Variants in SLC10A6 observed in about 807,000 individuals in gnomAD.
The protein encoded by SLC10A6 is sodium-dependent organic anion transporter.
Under a neutral mutation model 30.0 loss-of-function variants are expected in SLC10A6, and 27 were observed. That is an observed-to-expected ratio of 0.90 (90% CI 0.66 to 1.24). SLC10A6 has a LOEUF of 1.24. SLC10A6 is among the 50% of genes most tolerant of loss of function. SLC10A6 has a pLI of 0.00. For synonymous variants in SLC10A6, 166 were observed against 173.8 expected (o/e 0.95, Z 0.36); for missense variants, 439 against 457.0 (o/e 0.96, Z 0.36).
At chr4:86,835,231 C>T (rs1401578888) in intron 1 of SLC10A6, among the ~76,000 whole-genome samples, 1 of 152,186 alleles carries the variant, frequency 6.6e-6, no homozygotes, top group Non-Finnish European at 1.5e-5. Flanking sequence ...GCAGTGACCC[C>T]CACAGTCGCT....
At chr4:86,837,404 T>A (rs898239049) in intron 1 of SLC10A6, among the ~76,000 whole-genome samples, 2 of 151,876 alleles carry the variant, frequency 1.3e-5, no homozygotes, top group Non-Finnish European at 2.9e-5. Context: ...TTGTACACCA[T>A]AAATATACAT....
Position 86,828,136 on chromosome 4 carries a change from C to CA in SLC10A6, c.617dup (p.Val207GlyfsTer75). 1 of 1,613,350 alleles carries CA rather than the reference C, an allele frequency of 6.2e-7. No homozygotes were observed. Among genetic ancestry groups the CA allele is most frequent in the Non-Finnish European group, 8.5e-7 (1 of 1,179,666 alleles). On this transcript the variant is annotated frameshift_variant, in exon 4 of 6. Transcript: ENST00000273905. LOFTEE classifies it high-confidence loss of function. ...GGACCACACCAGCAACTGCGACCACCAGAAGGAGGACCCCACCAACAACGG... is the reference window on the plus strand; with the variant it reads ...GGACCACACCAGCAACTGCGACCACCAAGAAGGAGGACCCCACCAACAACGG...
intron 1 of SLC10A6, among the ~76,000 whole-genome samples, chr4:86,835,400 C>T (rs1041670139): frequency 2.0e-5 from 3 of 152,220 alleles, no homozygotes; most frequent in Non-Finnish European, 4.4e-5. Flanking sequence ...AGCATGGTGG[C>T]TCATGCCTGT....
At chr4:86,834,612 T>G (rs1746148204) in intron 1 of SLC10A6, among the ~76,000 whole-genome samples, 1 of 152,182 alleles carries the variant, frequency 6.6e-6, no homozygotes, top group African/African-American at 2.4e-5. Context: ...TATTGAAAAT[T>G]TTTGCATGTA....
intron 4 of SLC10A6, among the ~76,000 whole-genome samples, chr4:86,827,339 A>G (rs1229388542): frequency 1.3e-5 from 2 of 152,212 alleles, no homozygotes; most frequent in African/African-American, 2.4e-5. Context: ...GGGTCTGCTC[A>G]TCAGTAGAAT....
intron 2 of SLC10A6, among the ~76,000 whole-genome samples, chr4:86,832,852 C>T (rs945062776): frequency 4.6e-5 from 7 of 151,992 alleles, no homozygotes; most frequent in African/African-American, 1.2e-4. Flanking sequence ...AGTCAAGGTT[C>T]GCAGGCAATG....
intron 3 of SLC10A6, among the ~76,000 whole-genome samples, chr4:86,830,026 T>C (rs1407763522): frequency 6.6e-6 from 1 of 152,170 alleles, no homozygotes; most frequent in African/African-American, 2.4e-5. Flanking sequence ...CCATGATCAT[T>C]TCCCTCCTCT....
chr4:86,837,545 T>C (rs1384108048), intron 1 of SLC10A6: 2 of 957,830 alleles, frequency 2.1e-6, no homozygotes, highest in Non-Finnish European at 2.5e-6. Context: ...TCAGGGAGGA[T>C]GAGAACTGAA....
chr4:86,848,691 CT>C, intron 1 of SLC10A6, 47 bp downstream of exon 1: 12 of 1,522,660 alleles, frequency 7.9e-6, no homozygotes, highest in Non-Finnish European at 1.1e-5. Flanking sequence ...GTTATTCCCC[CT>C]AGGCAGGATA....
chr4:86,846,933 T>C (rs562781412), intron 1 of SLC10A6, among the ~76,000 whole-genome samples: 46 of 152,358 alleles, frequency 3.0e-4, no homozygotes, highest in African/African-American at 1.1e-3. Flanking sequence ...TTATCTTTCA[T>C]AGGTTTCCTG....
intron 1 of SLC10A6, among the ~76,000 whole-genome samples, chr4:86,834,961 C>T (rs2149411825): frequency 6.6e-6 from 1 of 152,298 alleles, no homozygotes; most frequent in East Asian, 1.9e-4. Flanking sequence ...TAAGCAAGAA[C>T]TCACTTATCA....
intron 1 of SLC10A6, among the ~76,000 whole-genome samples, chr4:86,835,215 G>A (rs1365621782): frequency 1.3e-5 from 2 of 152,208 alleles, no homozygotes; most frequent in African/African-American, 4.8e-5. Flanking sequence ...CTCCCCATTG[G>A]ATAGGGCAGT....
chr4:86,831,751 G>T, intron 3 of SLC10A6, 41 bp downstream of exon 3: 1 of 1,540,084 alleles, frequency 6.5e-7, no homozygotes, highest in Non-Finnish European at 8.9e-7. Context: ...TCAGGCCCCT[G>T]AGTCTGAGGA....
intron 1 of SLC10A6, among the ~76,000 whole-genome samples, chr4:86,841,508 C>G (rs1358879091): frequency 6.6e-6 from 1 of 152,058 alleles, no homozygotes; most frequent in African/African-American, 2.4e-5. Context: ...AAATTTTTGG[C>G]AAAATCTAAC....
At chr4:86,838,731 T>C (rs1287924683) in intron 1 of SLC10A6, among the ~76,000 whole-genome samples, 2 of 151,908 alleles carry the variant, frequency 1.3e-5, no homozygotes, top group Admixed American at 6.6e-5. Context: ...GAGACCAGCT[T>C]GGCCAACATG....
At position 86,837,327 on chromosome 4, in the gene SLC10A6, A is replaced by AGGGAGGG. The variant is rs1560460481; in HGVS notation, c.378-3904_378-3903insCCCTCCC. On this transcript the variant is annotated intron_variant, in intron 1 of 5. Transcript: ENST00000273905. ...GAAGGAAGGAAGGAAGGAAGGAAGGAAGGAAGGAAGGAAGGAAGGCAGGCA... is the reference window on the plus strand; with the variant it reads ...GAAGGAAGGAAGGAAGGAAGGAAGGAGGGAGGGAGGAAGGAAGGAAGGAAGGCAGGCA... Among the ~76,000 whole-genome samples the AGGGAGGG allele has an allele frequency of 1.5e-5, 2 of 131,784 alleles. 1 individual carries two copies. The highest frequency in any genetic ancestry group is 3.2e-5 in the Non-Finnish European group (2 of 61,616). The allele number at this position is 131,784 out of a possible 152,430, so 86.5% of individuals were successfully genotyped here. A position where few individuals can be genotyped will look rare whatever the true frequency, so the allele number is the denominator to read the frequency against.
At chr4:86,837,778 A>T (rs1746225983) in intron 1 of SLC10A6, 2 of 276,632 alleles carry the variant, frequency 7.2e-6, no homozygotes, top group Non-Finnish European at 5.5e-6. Context: ...TGCTGGAAAA[A>T]ATTACACAAT....
chr4:86,835,080 G>T (rs554598862), intron 1 of SLC10A6, among the ~76,000 whole-genome samples: 3 of 152,336 alleles, frequency 2.0e-5, no homozygotes, highest in Admixed American at 6.5e-5. Context: ...GAGATGTGGA[G>T]AGGACAAACA....
In SLC10A6 at chr4:86,826,439, C is replaced by T. The variant is rs553485962; in HGVS notation, c.762-862G>A. 5.9e-5 allele frequency among the ~76,000 whole-genome samples: 9 copies of T among 151,940 alleles called. No homozygotes were observed. The East Asian group carries it at 1.6e-3, about 26-fold the overall frequency. On this transcript the variant is annotated intron_variant, in intron 4 of 5. Coordinates refer to ENST00000273905, the MANE Select transcript of SLC10A6 (RefSeq NM_197965.3). ...ACCAAAAATACAAAAATTAGCCTGG[C>T]GTGGTGGCACACGCTCCTGTAATCC...
Sources: gnomAD v4.1 joint callset for allele counts (sites outside exome capture counted in the v4.1 genomes callset) on GRCh38, gnomAD v4.1.1 for gene constraint, MANE v1.5 for transcripts, NCBI Gene and HGNC (gene_info 2026-07-23, HGNC 2026-07-21) for gene names.